The following NRG1 variants were observed in gnomAD, a reference collection of about 807,000 sequenced individuals.
NRG1 encodes neuregulin 1.
In NRG1, 18 loss-of-function variants were observed where a neutral mutation model predicts 63.8. The observed-to-expected ratio is 0.28, with a 90% CI of 0.19 to 0.42. The LOEUF is 0.42. Ranked by LOEUF, NRG1 falls within the 10% of genes least tolerant of loss-of-function variation. NRG1 has a pLI of 1.00. For missense variants in NRG1, 762 were observed against 814.7 expected (o/e 0.94, Z 0.79); for synonymous variants, 302 against 301.3 (o/e 1.00, Z -0.02).
At chr8:32,290,627 A>G (rs917322078) in intron 1 of NRG1, among the ~76,000 whole-genome samples, 1 of 152,152 alleles carries the variant, frequency 6.6e-6, no homozygotes, top group Non-Finnish European at 1.5e-5. Context: ...ACGTGAAGTG[A>G]TGTCACAGAC....
chr8:32,562,805 G>C (rs1035830032), intron 1 of NRG1, among the ~76,000 whole-genome samples: 18 of 152,194 alleles, frequency 1.2e-4, no homozygotes, highest in African/African-American at 3.9e-4. Context: ...CTGGGCAGCA[G>C]TCAAGAAGAC....
At chr8:32,192,923 GA>G (rs1217482625) in intron 1 of NRG1, among the ~76,000 whole-genome samples, 1 of 150,658 alleles carries the variant, frequency 6.6e-6, no homozygotes, top group Non-Finnish European at 1.5e-5. Context: ...TTTTTTTTCT[GA>G]CTTCCAACAT....
rs1012576917 is a variant in NRG1, at chr8:31,926,022, T to C, written c.37+286591T>C. 3.3e-5 allele frequency among the ~76,000 whole-genome samples: 5 copies of C among 152,160 alleles called. 1 individual carries two copies. The highest frequency in any genetic ancestry group is 2.6e-4 in the Admixed American group (4 of 15,276). On this transcript the variant is annotated intron_variant, in intron 1 of 10. Transcript: ENST00000519301. ...TTTGGATTGGGTGTCAGAAATTGTG[T>C]ATGAATAAAATGTAAAGGTTCTGGA...
intron 1 of NRG1, among the ~76,000 whole-genome samples, chr8:31,947,817 A>G (rs1051278400): frequency 3.3e-5 from 5 of 151,784 alleles, no homozygotes; most frequent in African/African-American, 1.2e-4. Flanking sequence ...GTGGTGGTGC[A>G]TTCCTGTAGT....
intron 3 of NRG1, among the ~76,000 whole-genome samples, chr8:32,610,064 T>G (rs184957829): frequency 6.6e-6 from 1 of 152,314 alleles, no homozygotes; most frequent in Admixed American, 6.5e-5. Context: ...AGAACTCCCC[T>G]TGAGATTTTA....
intron 1 of NRG1, among the ~76,000 whole-genome samples, chr8:31,829,715 A>T (rs1824920902): frequency 6.6e-6 from 1 of 152,162 alleles, no homozygotes; most frequent in Non-Finnish European, 1.5e-5. Flanking sequence ...CAGCAGGTTG[A>T]GTGGCTCTAT....
At chr8:31,806,343 A>C (rs546701098) in intron 1 of NRG1, among the ~76,000 whole-genome samples, 153 of 152,268 alleles carry the variant, frequency 1.0e-3, no homozygotes, top group Admixed American at 2.1e-3. Flanking sequence ...AGCTAAATAA[A>C]ATATTGGCAT....
intron 5 of NRG1, among the ~76,000 whole-genome samples, chr8:32,718,329 C>A (rs575333729): frequency 8.5e-5 from 13 of 152,282 alleles, no homozygotes; most frequent in African/African-American, 3.1e-4. Context: ...CTCAAATTTT[C>A]ATGTATATAA....
At chr8:31,689,336 A>G (rs775139629) in intron 1 of NRG1, among the ~76,000 whole-genome samples, 3 of 152,214 alleles carry the variant, frequency 2.0e-5, no homozygotes, top group Non-Finnish European at 4.4e-5. Context: ...CTAGCTGTTC[A>G]TGCTTCCTGT....
At chr8:32,074,357 A>G (rs923923826) in intron 1 of NRG1, among the ~76,000 whole-genome samples, 1 of 152,194 alleles carries the variant, frequency 6.6e-6, no homozygotes, top group Admixed American at 6.6e-5. Flanking sequence ...ATACTCAAGC[A>G]TGATTAGAAT....
At chr8:31,853,878 A>T (rs934863774) in intron 1 of NRG1, among the ~76,000 whole-genome samples, 6 of 151,782 alleles carry the variant, frequency 4.0e-5, no homozygotes, top group African/African-American at 1.5e-4. Context: ...ATCATGTGGT[A>T]TTTGTCTTTG....
intron 1 of NRG1, among the ~76,000 whole-genome samples, chr8:32,224,381 A>G (rs1043726676): frequency 1.3e-5 from 2 of 152,140 alleles, no homozygotes; most frequent in African/African-American, 4.8e-5. Flanking sequence ...TCTTAGACTG[A>G]ATGCCTAGGA....
At chr8:31,694,643 G>A (rs1357634140) in intron 1 of NRG1, among the ~76,000 whole-genome samples, 2 of 152,144 alleles carry the variant, frequency 1.3e-5, no homozygotes, top group Non-Finnish European at 2.9e-5. Flanking sequence ...TTTTATGACT[G>A]GGAACGTGTG....
At chr8:32,748,358 C>CACAGAGAGAGAGAGAGAGAGAGAG (rs748763782) in intron 7 of NRG1, among the ~76,000 whole-genome samples, 16 of 122,002 alleles carry the variant, frequency 1.3e-4, no homozygotes, top group Admixed American at 6.9e-4. Flanking sequence ...CACACACACA[C>CACAGAGAGAGAGAGAGAGAGAGAG]AGAGAGAGAG....
chr8:32,489,448 G>C (rs1826286662), intron 1 of NRG1, among the ~76,000 whole-genome samples: 2 of 152,068 alleles, frequency 1.3e-5, no homozygotes, highest in Non-Finnish European at 2.9e-5. Context: ...ATTTTAGAGA[G>C]ACAGTTACCA....
At chr8:32,107,376 A>T (rs1831424635) in intron 1 of NRG1, among the ~76,000 whole-genome samples, 1 of 152,196 alleles carries the variant, frequency 6.6e-6, no homozygotes, top group East Asian at 1.9e-4. Context: ...ACCTGACATG[A>T]AGATAAAAAT....
intron 1 of NRG1, among the ~76,000 whole-genome samples, chr8:31,723,893 T>C (rs1481873814): frequency 2.0e-5 from 3 of 152,134 alleles, no homozygotes; most frequent in African/African-American, 7.2e-5. Flanking sequence ...TAGTCTCTTT[T>C]GTCATATAGT....
chr8:32,205,760 GACCACT>G (rs2132332871), intron 1 of NRG1, among the ~76,000 whole-genome samples: 2 of 152,048 alleles, frequency 1.3e-5, no homozygotes, highest in African/African-American at 4.8e-5. Context: ...ATTTAATTAA[GACCACT>G]ACCTGCTGAC....
chr8:31,893,560 G>A (rs1248260582), intron 1 of NRG1, among the ~76,000 whole-genome samples: 1 of 151,338 alleles, frequency 6.6e-6, no homozygotes, highest in Non-Finnish European at 1.5e-5. Context: ...CATATAACAT[G>A]CTCATATAAA....
Sources: gnomAD v4.1 joint callset for allele counts (sites outside exome capture counted in the v4.1 genomes callset) on GRCh38, gnomAD v4.1.1 for gene constraint, MANE v1.5 for transcripts, NCBI Gene and HGNC (gene_info 2026-07-23, HGNC 2026-07-21) for gene names.